Variants in ACACA observed in about 807,000 individuals in gnomAD.
The protein encoded by ACACA is acetyl-CoA carboxylase 1.
A neutral mutation model predicts 296.1 loss-of-function variants in ACACA; 103 were observed. That is an observed-to-expected ratio of 0.35 (90% CI 0.30 to 0.41). ACACA has a LOEUF of 0.41. ACACA is among the 10% of genes least tolerant of loss of function. ACACA has a pLI of 1.00. For missense variants in ACACA, 1,554 were observed against 2,989.7 expected (o/e 0.52, Z 11.20); for synonymous variants, 953 against 1,038.6 (o/e 0.92, Z 1.58).
At chr17:37,402,765 C>T (rs2147855736) in intron 1 of ACACA, among the ~76,000 whole-genome samples, 1 of 152,188 alleles carries the variant, frequency 6.6e-6, no homozygotes, top group Admixed American at 6.6e-5. Flanking sequence ...CTCCACCTCC[C>T]AGGTTCACGC....
chr17:37,402,404 G>C (rs572742684), intron 1 of ACACA, among the ~76,000 whole-genome samples: 2 of 152,250 alleles, frequency 1.3e-5, no homozygotes, highest in East Asian at 3.9e-4. Flanking sequence ...TGGAGTCTAA[G>C]ATAGGGCAGT....
intron 41 of ACACA, among the ~76,000 whole-genome samples, chr17:37,172,372 A>G (rs750717321): frequency 8.5e-5 from 13 of 152,220 alleles, no homozygotes; most frequent in Non-Finnish European, 1.9e-4. Context: ...ATAGTCATTC[A>G]GAAGGAATTC....
chr17:37,374,952 T>C (rs1384844833), intron 1 of ACACA, among the ~76,000 whole-genome samples: 1 of 152,096 alleles, frequency 6.6e-6, no homozygotes, highest in Non-Finnish European at 1.5e-5. Context: ...TCCCAGCACT[T>C]TGGGAGGCCG....
intron 1 of ACACA, among the ~76,000 whole-genome samples, chr17:37,361,195 A>C (rs1352482524): frequency 6.6e-6 from 1 of 151,872 alleles, no homozygotes; most frequent in Non-Finnish European, 1.5e-5. Flanking sequence ...CAAACCACCA[A>C]GTCCAGCTAA....
intron 14 of ACACA, among the ~76,000 whole-genome samples, chr17:37,253,392 C>G (rs982122810): frequency 1.3e-5 from 2 of 151,420 alleles, no homozygotes; most frequent in African/African-American, 4.9e-5. Context: ...ACTCTGTCCC[C>G]CCAAAAAAAT....
intron 5 of ACACA, among the ~76,000 whole-genome samples, chr17:37,280,730 A>ACACACAC (rs1555627667): frequency 2.7e-5 from 4 of 146,466 alleles, no homozygotes; most frequent in African/African-American, 1.0e-4. Context: ...TTACATAGTT[A>ACACACAC]ACACACACAC....
chr17:37,087,857 G>A (rs914477848), intron 55 of ACACA, among the ~76,000 whole-genome samples: 1 of 152,196 alleles, frequency 6.6e-6, no homozygotes, highest in Non-Finnish European at 1.5e-5. Context: ...GGGTGTGCTG[G>A]AGTTGGAAAG....
chr17:37,334,475 T>A (rs192941827), intron 2 of ACACA, among the ~76,000 whole-genome samples: 1 of 152,194 alleles, frequency 6.6e-6, no homozygotes, highest in African/African-American at 2.4e-5. Context: ...AGCCATTTTA[T>A]CTACCCTAAC....
chr17:37,333,057 T>C (rs1026843792), intron 2 of ACACA, among the ~76,000 whole-genome samples: 14 of 152,164 alleles, frequency 9.2e-5, no homozygotes, highest in African/African-American at 3.4e-4. Context: ...TGGTCAGTGA[T>C]AATGGAATAC....
intron 49 of ACACA, among the ~76,000 whole-genome samples, chr17:37,122,288 G>A (rs1208364073): frequency 1.3e-5 from 2 of 152,140 alleles, no homozygotes; most frequent in Non-Finnish European, 2.9e-5. Flanking sequence ...CCCAACAAAA[G>A]TATACGTTTT....
chr17:37,090,014 C>T (rs937079889), intron 54 of ACACA, among the ~76,000 whole-genome samples: 9 of 152,174 alleles, frequency 5.9e-5, no homozygotes, highest in African/African-American at 1.9e-4. Context: ...TTATCACTAA[C>T]GAAGTCAAAG....
At chr17:37,088,836 G>T in intron 55 of ACACA, 102 bp downstream of exon 55, 1 of 1,441,154 alleles carries the variant, frequency 6.9e-7, no homozygotes, top group Non-Finnish European at 9.8e-7. Flanking sequence ...AGACTGCAGA[G>T]ATCATAAGAT....
chr17:37,385,234 G>A (rs1225916467), intron 1 of ACACA, among the ~76,000 whole-genome samples: 1 of 152,172 alleles, frequency 6.6e-6, no homozygotes, highest in East Asian at 1.9e-4. Flanking sequence ...CACTTTGGGA[G>A]GCCGAGGTGG....
At position 37,199,805 on chromosome 17, in the gene ACACA, T is replaced by C. The variant is rs1012918584; in HGVS notation, c.4158+334A>G. ...TTCTTAACTATTTCTCAGAGATATA[T>C]TGAGAATTCATTATAGGGTTAAAAA... On this transcript the variant is annotated intron_variant, in intron 35 of 55. Coordinates refer to ENST00000616317, the MANE Select transcript of ACACA (RefSeq NM_198834.3). 6.3e-5 allele frequency among the ~76,000 whole-genome samples: 9 copies of C among 142,918 alleles called. 1 individual carries two copies. The highest frequency in any genetic ancestry group is 1.4e-4 in the African/African-American group (5 of 36,334). The allele number at this position is 142,918 out of a possible 152,430, so 93.8% of individuals were successfully genotyped here. A position where few individuals can be genotyped will look rare whatever the true frequency, so the allele number is the denominator to read the frequency against.
intron 1 of ACACA, among the ~76,000 whole-genome samples, chr17:37,393,061 G>A (rs901097300): frequency 2.0e-5 from 3 of 150,508 alleles, no homozygotes; most frequent in African/African-American, 7.3e-5. Context: ...AGAATCGCTT[G>A]AACCCGGGAG....
At chr17:37,281,922 T>A (rs1402383375) in intron 5 of ACACA, among the ~76,000 whole-genome samples, 2 of 152,196 alleles carry the variant, frequency 1.3e-5, no homozygotes, top group East Asian at 3.8e-4. Context: ...GATGATCTCA[T>A]CTTTACAATT....
chr17:37,223,090 T>C (rs538243051), intron 28 of ACACA, among the ~76,000 whole-genome samples: 2 of 152,376 alleles, frequency 1.3e-5, no homozygotes, highest in East Asian at 3.9e-4. Context: ...TTTGAGGAAG[T>C]ATTTCATAAG....
At chr17:37,356,693 A>C (rs1357420149) in intron 1 of ACACA, among the ~76,000 whole-genome samples, 2 of 151,978 alleles carry the variant, frequency 1.3e-5, no homozygotes, top group African/African-American at 4.8e-5. Flanking sequence ...TATAATTGTT[A>C]ATCTTTAAGA....
chr17:37,357,457 C>T (rs2049194638), intron 1 of ACACA, among the ~76,000 whole-genome samples: 1 of 152,184 alleles, frequency 6.6e-6, no homozygotes. Flanking sequence ...CGCACCATTG[C>T]ACTCCAGTCT....
Sources: allele counts gnomAD v4.1 joint callset (sites outside exome capture counted in the v4.1 genomes callset), GRCh38; gene constraint gnomAD v4.1.1; transcripts MANE v1.5; gene names NCBI Gene and HGNC (gene_info 2026-07-23, HGNC 2026-07-21).